MNAT1: variants seen among roughly 807,000 people sequenced by gnomAD.
MNAT1 encodes MNAT1 component of CDK activating kinase.
In MNAT1, 43 loss-of-function variants were observed where a neutral mutation model predicts 42.0. The observed-to-expected ratio is 1.02, with a 90% CI of 0.80 to 1.32. The LOEUF is 1.32. MNAT1 is among the 40% of genes most tolerant of loss of function. MNAT1 has a pLI of 0.00. For missense variants in MNAT1, 306 were observed against 350.4 expected (o/e 0.87, Z 1.01); for synonymous variants, 118 against 120.0 (o/e 0.98, Z 0.11).
chr14:60,853,860 G>A (rs2033891256), intron 6 of MNAT1, among the ~76,000 whole-genome samples: 3 of 152,162 alleles, frequency 2.0e-5, no homozygotes, highest in Admixed American at 6.5e-5. Flanking sequence ...TTTGATTTGT[G>A]TATGTTGAAC....
In MNAT1 at chr14:60,869,681, A is replaced by G. The variant is rs140304947; in HGVS notation, c.688-10033A>G. 5.0e-3 allele frequency among the ~76,000 whole-genome samples: 755 copies of G among 152,320 alleles called. 11 individuals carry two copies. The highest frequency in any genetic ancestry group is 0.016 in the African/African-American group (680 of 41,576). On this transcript the variant is annotated intron_variant, in intron 6 of 7. Transcript: ENST00000261245. ...GCACTTTGTAATTACAACCTCTTCT[A>G]TGGTACTTAACAGAAAACCATATAC...
intron 7 of MNAT1, among the ~76,000 whole-genome samples, chr14:60,918,138 A>G (rs1339002444): frequency 1.3e-5 from 2 of 151,576 alleles, no homozygotes; most frequent in Non-Finnish European, 2.9e-5. Context: ...CATAATTGCA[A>G]AAGATTCTCA....
At chr14:60,841,995 C>T (rs903606380) in intron 6 of MNAT1, among the ~76,000 whole-genome samples, 3 of 152,144 alleles carry the variant, frequency 2.0e-5, no homozygotes, top group Non-Finnish European at 4.4e-5. Context: ...TCAGTAATTT[C>T]CACTCATGTG....
chr14:60,801,376 C>G (rs895111044), intron 3 of MNAT1, among the ~76,000 whole-genome samples: 4 of 152,088 alleles, frequency 2.6e-5, no homozygotes. Flanking sequence ...AAAATACTTC[C>G]TCACAACAAA....
chr14:60,921,913 A>G (rs2035669497), intron 7 of MNAT1, among the ~76,000 whole-genome samples: 1 of 152,162 alleles, frequency 6.6e-6, no homozygotes, highest in Admixed American at 6.5e-5. Flanking sequence ...ACAGTGTTGT[A>G]TTCAGCACAT....
intron 7 of MNAT1, among the ~76,000 whole-genome samples, chr14:60,911,893 G>A (rs988784395): frequency 4.5e-4 from 69 of 152,046 alleles, no homozygotes; most frequent in African/African-American, 1.3e-3. Context: ...TTTCTGTCTC[G>A]TTGATCTGTC....
At chr14:60,846,670 G>C (rs1283909028) in intron 6 of MNAT1, among the ~76,000 whole-genome samples, 1 of 152,070 alleles carries the variant, frequency 6.6e-6, no homozygotes, top group Non-Finnish European at 1.5e-5. Context: ...GGATTATTTA[G>C]AGGTTGTTGT....
At chr14:60,879,358 G>A (rs2034498936) in intron 6 of MNAT1, among the ~76,000 whole-genome samples, 1 of 152,082 alleles carries the variant, frequency 6.6e-6, no homozygotes, top group Non-Finnish European at 1.5e-5. Context: ...TTGTTTTGGT[G>A]CAAATGTTTT....
intron 6 of MNAT1, among the ~76,000 whole-genome samples, chr14:60,837,552 A>G (rs2033428095): frequency 6.6e-6 from 1 of 152,150 alleles, no homozygotes; most frequent in Non-Finnish European, 1.5e-5. Context: ...GGCTGCACTC[A>G]CTGTCTAACC....
chr14:60,892,519 G>T (rs1159297386), intron 7 of MNAT1, among the ~76,000 whole-genome samples: 2 of 152,010 alleles, frequency 1.3e-5, no homozygotes, highest in East Asian at 3.9e-4. Flanking sequence ...CATATAGTTG[G>T]ATCATGGTTT....
intron 6 of MNAT1, among the ~76,000 whole-genome samples, chr14:60,859,677 T>C (rs1236392344): frequency 1.3e-5 from 2 of 152,176 alleles, no homozygotes; most frequent in Admixed American, 1.3e-4. Context: ...TTTTAAGCAA[T>C]AGTATAATCA....
intron 7 of MNAT1, among the ~76,000 whole-genome samples, chr14:60,894,198 G>A (rs577977902): frequency 1.3e-5 from 2 of 152,064 alleles, no homozygotes; most frequent in South Asian, 4.2e-4. Flanking sequence ...TGTAGGACTA[G>A]GAATGCGGGC....
At chr14:60,806,048 C>T (rs1566773838) in intron 3 of MNAT1, among the ~76,000 whole-genome samples, 1 of 152,114 alleles carries the variant, frequency 6.6e-6, no homozygotes, top group Non-Finnish European at 1.5e-5. Flanking sequence ...TTTATGTTGT[C>T]ATTGGAGTTT....
At chr14:60,868,430 C>T (rs2034251988) in intron 6 of MNAT1, among the ~76,000 whole-genome samples, 1 of 152,178 alleles carries the variant, frequency 6.6e-6, no homozygotes, top group Non-Finnish European at 1.5e-5. Context: ...ATTCTGGTTT[C>T]TGATTCCACT....
At chr14:60,936,098 C>G (rs1025474895) in intron 7 of MNAT1, among the ~76,000 whole-genome samples, 1 of 152,136 alleles carries the variant, frequency 6.6e-6, no homozygotes, top group South Asian at 2.1e-4. Flanking sequence ...GGCTCCACCC[C>G]GTTCCCCCAG....
intron 7 of MNAT1, among the ~76,000 whole-genome samples, chr14:60,947,577 G>A (rs924352306): frequency 7.9e-5 from 12 of 152,096 alleles, no homozygotes; most frequent in Admixed American, 7.2e-4. Context: ...TGGCTACTCT[G>A]GAGACTGAGG....
At chr14:60,896,901 TTTATTG>T (rs2034969602) in intron 7 of MNAT1, among the ~76,000 whole-genome samples, 1 of 152,216 alleles carries the variant, frequency 6.6e-6, no homozygotes, top group South Asian at 2.1e-4. Flanking sequence ...AATAGATAAC[TTTATTG>T]TTATTATTTT....
At chr14:60,872,332 C>T (rs1208187950) in intron 6 of MNAT1, among the ~76,000 whole-genome samples, 1 of 152,178 alleles carries the variant, frequency 6.6e-6, no homozygotes, top group Non-Finnish European at 1.5e-5. Context: ...GCCTCACCTT[C>T]AACATGAGGA....
chr14:60,877,295 T>C (rs2034455005), intron 6 of MNAT1, among the ~76,000 whole-genome samples: 1 of 152,040 alleles, frequency 6.6e-6, no homozygotes, highest in East Asian at 1.9e-4. Flanking sequence ...GAAGTACTTT[T>C]GACATTACAG....
Sources: allele counts gnomAD v4.1 joint callset (sites outside exome capture counted in the v4.1 genomes callset), GRCh38; gene constraint gnomAD v4.1.1; transcripts MANE v1.5; gene names NCBI Gene and HGNC (gene_info 2026-07-23, HGNC 2026-07-21).